The following UST variants were observed in gnomAD, a reference collection of about 807,000 sequenced individuals.
UST encodes chondroitin sulfate 2-O-sulfotransferase.
A neutral mutation model predicts 45.6 loss-of-function variants in UST; 21 were observed. The observed-to-expected ratio is 0.46, with a 90% CI of 0.33 to 0.66. The LOEUF (loss-of-function observed/expected upper bound fraction) is 0.66, where lower values mean the gene tolerates loss of function less well. UST is among the 30% of genes least tolerant of loss of function. The probability of loss-of-function intolerance (pLI) is 0.02; values close to 1 mark genes in which losing one functional copy is unlikely to be tolerated. For missense variants in UST, 463 were observed against 512.4 expected (o/e 0.90, Z 0.93); for synonymous variants, 215 against 200.6 (o/e 1.07, Z -0.61).
intron 3 of UST, among the ~76,000 whole-genome samples, chr6:148,944,044 A>G (rs1780183914): frequency 6.6e-6 from 1 of 152,208 alleles, no homozygotes; most frequent in African/African-American, 2.4e-5. Context: ...TAAAGTTTCA[A>G]CGTGCATAAA....
chr6:149,028,918 A>C (rs1037188302), intron 7 of UST, among the ~76,000 whole-genome samples: 1 of 152,216 alleles, frequency 6.6e-6, no homozygotes, highest in Admixed American at 6.5e-5. Flanking sequence ...TTTTTTAAGT[A>C]AGATTCCTAA....
At chr6:148,775,673 G>A (rs1055015355) in intron 1 of UST, among the ~76,000 whole-genome samples, 1 of 151,716 alleles carries the variant, frequency 6.6e-6, no homozygotes, top group Admixed American at 6.6e-5. Flanking sequence ...TATCCCCCAG[G>A]CTGGAGTGCA....
At chr6:148,925,800 G>A (rs1371079561) in intron 2 of UST, among the ~76,000 whole-genome samples, 2 of 152,212 alleles carry the variant, frequency 1.3e-5, no homozygotes, top group African/African-American at 2.4e-5. Context: ...GGTGCAAGAT[G>A]CTTTGAATTT....
At chr6:149,024,265 G>A (rs1240176759) in intron 7 of UST, among the ~76,000 whole-genome samples, 6 of 152,202 alleles carry the variant, frequency 3.9e-5, no homozygotes, top group Admixed American at 1.3e-4. Flanking sequence ...TCAGGACCCC[G>A]GGCCAGTGTC....
At chr6:148,828,066 C>G (rs1013730602) in intron 1 of UST, among the ~76,000 whole-genome samples, 1 of 151,806 alleles carries the variant, frequency 6.6e-6, no homozygotes. Flanking sequence ...GAATCTTAAT[C>G]CCTTCTGAAT....
At chr6:149,056,845 G>T (rs541331409) in intron 7 of UST, among the ~76,000 whole-genome samples, 195 of 152,350 alleles carry the variant, frequency 1.3e-3, no homozygotes, top group African/African-American at 4.5e-3. Flanking sequence ...GTTATTTTGA[G>T]TAGCACCTCC....
rs574681798 is a variant in UST at position 148,986,203 on chromosome 6, A to G, written c.681+21640A>G. Among the ~76,000 whole-genome samples, 10 of 152,310 alleles carry G rather than the reference A, an allele frequency of 6.6e-5. No individual in the cohort carries two copies. In the South Asian group the frequency reaches 2.1e-3, roughly 32 times the overall value. On this transcript the variant is annotated intron_variant, in intron 5 of 7. Coordinates refer to ENST00000367463, the MANE Select transcript of UST (RefSeq NM_005715.3). ...CACAAATGAGGTGATAAAATCGAAC[A>G]AAGCAGCTGGGACCATTGGTTACTT...
intron 7 of UST, among the ~76,000 whole-genome samples, chr6:149,063,303 G>A (rs1315449732): frequency 2.0e-5 from 3 of 152,064 alleles, no homozygotes; most frequent in Non-Finnish European, 4.4e-5. Flanking sequence ...CTCAAAACCA[G>A]TGCCTATTTT....
chr6:148,883,346 G>A (rs898989345), intron 1 of UST, among the ~76,000 whole-genome samples: 1 of 152,222 alleles, frequency 6.6e-6, no homozygotes, highest in African/African-American at 2.4e-5. Flanking sequence ...AAGCTGAGGT[G>A]CTAAGGAGTT....
intron 5 of UST, among the ~76,000 whole-genome samples, chr6:148,972,085 C>T (rs983027964): frequency 3.9e-5 from 6 of 152,050 alleles, no homozygotes; most frequent in African/African-American, 1.5e-4. Flanking sequence ...AGTTGCTTGC[C>T]GCCTAGTTAG....
chr6:148,764,727 A>G (rs929634246), intron 1 of UST, among the ~76,000 whole-genome samples: 4 of 152,182 alleles, frequency 2.6e-5, no homozygotes, highest in African/African-American at 9.7e-5. Context: ...GGTGTGGGTC[A>G]CAGAGATCAC....
chr6:148,804,202 A>T (rs574596870), intron 1 of UST, among the ~76,000 whole-genome samples: 45 of 152,360 alleles, frequency 3.0e-4, no homozygotes, highest in African/African-American at 1.1e-3. Context: ...ATCAGGAGTC[A>T]GATGGAGTGG....
intron 1 of UST, among the ~76,000 whole-genome samples, chr6:148,794,830 A>G (rs1311851283): frequency 6.6e-6 from 1 of 152,160 alleles, no homozygotes; most frequent in Admixed American, 6.6e-5. Flanking sequence ...AAGTTGGGGA[A>G]CTTATTCCTT....
At chr6:148,918,939 T>G (rs79275164) in intron 2 of UST, among the ~76,000 whole-genome samples, 2,671 of 152,304 alleles carry the variant, frequency 0.018, 75 homozygotes, top group African/African-American at 0.061. Context: ...GTATCTTTAA[T>G]GAACATGAAT....
chr6:148,933,460 G>A (rs2114913469), intron 2 of UST, among the ~76,000 whole-genome samples: 1 of 152,284 alleles, frequency 6.6e-6, no homozygotes, highest in South Asian at 2.1e-4. Flanking sequence ...GTGGGAACAG[G>A]GGAAGAGAAG....
chr6:148,896,662 C>CA lies in UST; in HGVS notation c.291+9641dup, dbSNP rs200914036. 8.6e-4 allele frequency among the ~76,000 whole-genome samples: 131 copies of CA among 151,848 alleles called. 2 individuals are homozygous for CA. In the East Asian group the frequency reaches 0.019, roughly 21 times the overall value. Reference sequence around the variant, plus strand: ...TTTTAATTATGAACTATTCCAAACACAAAAAAAATGAATGAGACTAATAAA... The same window carrying CA: ...TTTTAATTATGAACTATTCCAAACACAAAAAAAAATGAATGAGACTAATAAA... On this transcript the variant is annotated intron_variant, in intron 2 of 7. Transcript: ENST00000367463.
At chr6:148,770,644 A>C (rs1007344579) in intron 1 of UST, among the ~76,000 whole-genome samples, 10 of 152,232 alleles carry the variant, frequency 6.6e-5, no homozygotes, top group African/African-American at 2.4e-4. Context: ...CGTCTGATAC[A>C]GTCCTCATAT....
chr6:149,063,141 C>T (rs1009472920), intron 7 of UST, among the ~76,000 whole-genome samples: 5 of 152,258 alleles, frequency 3.3e-5, no homozygotes, highest in Middle Eastern at 3.4e-3. Flanking sequence ...CCAGGGACAG[C>T]GCAGAGCCTG....
At chr6:148,805,041 C>T (rs150859019) in intron 1 of UST, among the ~76,000 whole-genome samples, 40 of 152,196 alleles carry the variant, frequency 2.6e-4, no homozygotes, top group African/African-American at 8.7e-4. Flanking sequence ...TGCTGTCCCT[C>T]TATGTTTGCA....
Sources: allele counts gnomAD v4.1 joint callset (sites outside exome capture counted in the v4.1 genomes callset), GRCh38; gene constraint gnomAD v4.1.1; transcripts MANE v1.5; gene names NCBI Gene and HGNC (gene_info 2026-07-23, HGNC 2026-07-21).